COX7B2: variants seen among roughly 807,000 people sequenced by gnomAD.
COX7B2 encodes cytochrome c oxidase subunit 7B2.
For synonymous variants in COX7B2, 37 were observed against 32.1 expected, an observed-to-expected ratio of 1.15 and a Z score of -0.51; for missense variants, 109 against 95.9, an observed-to-expected ratio of 1.14 and a Z score of -0.57.
chr4:46,754,160 T>C lies in COX7B2; in HGVS notation c.-49-18919A>G, dbSNP rs1335721373. Among the ~76,000 whole-genome samples the C allele has an allele frequency of 6.6e-5, 10 of 152,100 alleles. No homozygotes were observed. The East Asian group carries it at 1.8e-3, about 27-fold the overall frequency. On this transcript the variant is annotated intron_variant, in intron 2 of 2. Coordinates refer to ENST00000355591, the MANE Select transcript of COX7B2 (RefSeq NM_130902.3). ...CATTGTGGAAGTCAGTGTGGCGATT[T>C]TTCAGGGATCTAGAACTAGAAATAC...
intron 1 of COX7B2, among the ~76,000 whole-genome samples, chr4:46,907,243 T>C (rs992069949): frequency 3.9e-5 from 6 of 152,186 alleles, no homozygotes; most frequent in Non-Finnish European, 7.4e-5. Flanking sequence ...TACTTGAACT[T>C]CAAATCTCAT....
chr4:46,791,694 G>A (rs373060626), intron 2 of COX7B2, among the ~76,000 whole-genome samples: 2 of 152,096 alleles, frequency 1.3e-5, no homozygotes, highest in Non-Finnish European at 2.9e-5. Flanking sequence ...CTAAACACTA[G>A]CCCAGTGTAA....
At chr4:46,845,698 A>G (rs1290201150) in intron 1 of COX7B2, among the ~76,000 whole-genome samples, 1 of 151,960 alleles carries the variant, frequency 6.6e-6, no homozygotes, top group East Asian at 1.9e-4. Context: ...TCCACAGAAG[A>G]AAAAACCCTG....
chr4:46,776,518 A>G (rs1717164851), intron 2 of COX7B2, among the ~76,000 whole-genome samples: 1 of 152,008 alleles, frequency 6.6e-6, no homozygotes, highest in Admixed American at 6.6e-5. Context: ...CACTGTTGTA[A>G]TAAACTCAGT....
chr4:46,887,809 T>C (rs938928224), intron 1 of COX7B2, among the ~76,000 whole-genome samples: 3 of 151,338 alleles, frequency 2.0e-5, no homozygotes, highest in Non-Finnish European at 4.4e-5. Flanking sequence ...AGTCACTACC[T>C]GACTATTCCC....
At chr4:46,894,475 A>G (rs1381584350) in intron 1 of COX7B2, among the ~76,000 whole-genome samples, 1 of 152,192 alleles carries the variant, frequency 6.6e-6, no homozygotes, top group East Asian at 1.9e-4. Context: ...CTTGTATCAT[A>G]TACAAAAATC....
intron 2 of COX7B2, among the ~76,000 whole-genome samples, chr4:46,831,967 T>C (rs1171208267): frequency 2.0e-5 from 3 of 152,120 alleles, no homozygotes; most frequent in African/African-American, 7.2e-5. Flanking sequence ...AGAACTTTTG[T>C]GTCTAGCTCA....
At chr4:46,854,475 A>C (rs1716885229) in intron 1 of COX7B2, among the ~76,000 whole-genome samples, 1 of 152,234 alleles carries the variant, frequency 6.6e-6, no homozygotes, top group South Asian at 2.1e-4. Context: ...AAGATAAAAT[A>C]ACTGCATTGC....
intron 1 of COX7B2, among the ~76,000 whole-genome samples, chr4:46,865,488 G>A (rs903666445): frequency 1.3e-5 from 2 of 152,116 alleles, no homozygotes; most frequent in Admixed American, 6.5e-5. Context: ...AAGGACCAAC[G>A]CTCAATTTGG....
intron 2 of COX7B2, among the ~76,000 whole-genome samples, chr4:46,810,871 GA>G (rs1719252162): frequency 6.6e-6 from 1 of 152,132 alleles, no homozygotes; most frequent in African/African-American, 2.4e-5. Context: ...GTCTGTCAAA[GA>G]AGTATTTCTC....
chr4:46,800,176 A>G (rs1718578977), intron 2 of COX7B2, among the ~76,000 whole-genome samples: 1 of 152,210 alleles, frequency 6.6e-6, no homozygotes, highest in Admixed American at 6.5e-5. Context: ...CAATATCATT[A>G]AAGTGACCAT....
chr4:46,815,175 C>CAAAAAAAAAAAA (rs760743513), intron 2 of COX7B2, among the ~76,000 whole-genome samples: 1 of 75,034 alleles, frequency 1.3e-5, no homozygotes, highest in South Asian at 4.1e-4. Context: ...GACTCTGTCT[C>CAAAAAAAAAAAA]AAAAAAAAAA....
At chr4:46,760,171 T>C (rs996018059) in intron 2 of COX7B2, among the ~76,000 whole-genome samples, 1 of 152,080 alleles carries the variant, frequency 6.6e-6, no homozygotes, top group Non-Finnish European at 1.5e-5. Context: ...GAACTAGAAC[T>C]AGAAATACCC....
intron 1 of COX7B2, among the ~76,000 whole-genome samples, chr4:46,893,107 A>T (rs1719540269): frequency 6.6e-6 from 1 of 152,184 alleles, no homozygotes; most frequent in Non-Finnish European, 1.5e-5. Flanking sequence ...TCTTTGTAGT[A>T]GCATGAGAAC....
At chr4:46,891,749 C>A (rs10517169) in intron 1 of COX7B2, among the ~76,000 whole-genome samples, 1 of 151,902 alleles carries the variant, frequency 6.6e-6, no homozygotes, top group Non-Finnish European at 1.5e-5. Context: ...TAGGCAATAA[C>A]GGAAGATTCA....
chr4:46,807,634 T>C, intron 2 of COX7B2, among the ~76,000 whole-genome samples: 1 of 151,920 alleles, frequency 6.6e-6, no homozygotes, highest in Admixed American at 6.6e-5. Flanking sequence ...AGGAGCTTTA[T>C]GGTTTTGGTC....
intron 1 of COX7B2, among the ~76,000 whole-genome samples, chr4:46,875,209 ATGT>A (rs944334201): frequency 2.6e-5 from 4 of 152,180 alleles, no homozygotes; most frequent in African/African-American, 9.7e-5. Flanking sequence ...TTTTTTGGAA[ATGT>A]TATGGAACAA....
chr4:46,783,209 C>G (rs1211593627), intron 2 of COX7B2, among the ~76,000 whole-genome samples: 1 of 152,170 alleles, frequency 6.6e-6, no homozygotes, highest in African/African-American at 2.4e-5. Flanking sequence ...TTAGAACATT[C>G]AGTAAACCCA....
rs937463032 is a variant in COX7B2 at position 46,833,414 on chromosome 4, A to C, written c.-50+11546T>G. On this transcript the variant is annotated intron_variant, in intron 2 of 2. Transcript: ENST00000355591. ...TTAGAAATAGAGATATAAATTTGGG[A>C]GGTGTATGCTTAATTCCTATGCAGA... Among the ~76,000 whole-genome samples, 9 of 152,214 alleles carry C rather than the reference A, an allele frequency of 5.9e-5. No homozygotes were observed. In the South Asian group the frequency reaches 8.3e-4, roughly 14 times the overall value.
Sources: gnomAD v4.1 joint callset for allele counts (sites outside exome capture counted in the v4.1 genomes callset) on GRCh38, gnomAD v4.1.1 for gene constraint, MANE v1.5 for transcripts, NCBI Gene and HGNC (gene_info 2026-07-23, HGNC 2026-07-21) for gene names.